The following ADGRB3 variants were observed in gnomAD, a reference collection of about 807,000 sequenced individuals.
The protein encoded by ADGRB3 is adhesion G protein-coupled receptor B3.
In ADGRB3, 37 loss-of-function variants were observed where a neutral mutation model predicts 193.4. The ratio of observed to expected loss-of-function variants is 0.19; its 90% confidence interval spans 0.15 to 0.25. ADGRB3 has a LOEUF of 0.25. Among genes scored for constraint, ADGRB3 ranks in the 10% least tolerant of loss-of-function variants. The pLI, the probability that ADGRB3 is intolerant of heterozygous loss-of-function variation, is 1.00. For synonymous variants in ADGRB3, 690 were observed against 644.2 expected, an observed-to-expected ratio of 1.07 and a Z score of -1.08; for missense variants, 1,637 against 1,852.9, an observed-to-expected ratio of 0.88 and a Z score of 2.14.
In ADGRB3 at chr6:68,869,074, C is replaced by G. The variant is rs143594735; in HGVS notation, c.758-61485C>G. ...CCAATGAAATTAATGAGTTTAACCT[C>G]AAAGATTTTATCCTTCTCAGCAGTC... On this transcript the variant is annotated intron_variant, in intron 3 of 31. Coordinates refer to ENST00000370598, the MANE Select transcript of ADGRB3 (RefSeq NM_001704.3). Among the ~76,000 whole-genome samples, 250 of 152,168 alleles carry G rather than the reference C, an allele frequency of 1.6e-3. 3 individuals are homozygous for G. The highest frequency in any genetic ancestry group is 5.8e-3 in the African/African-American group (241 of 41,508).
At chr6:69,100,022 G>A (rs138744781) in intron 17 of ADGRB3, among the ~76,000 whole-genome samples, 1 of 152,288 alleles carries the variant, frequency 6.6e-6, no homozygotes, top group African/African-American at 2.4e-5. Flanking sequence ...TATTTTGCAA[G>A]TGTTAACAGG....
Position 69,171,777 on chromosome 6 carries a change from A to G in ADGRB3, c.2481-61513A>G, listed in dbSNP as rs191035214. Reference sequence around the variant, plus strand: ...AGAGTCAAAAAAAAAGCCCTTTATTACTCCAATAAACTACAGAATCTAACT... The same window carrying G: ...AGAGTCAAAAAAAAAGCCCTTTATTGCTCCAATAAACTACAGAATCTAACT... On this transcript the variant is annotated intron_variant, in intron 17 of 31. Coordinates refer to ENST00000370598, the MANE Select transcript of ADGRB3 (RefSeq NM_001704.3). Among the ~76,000 whole-genome samples, 138 of 152,206 alleles carry G rather than the reference A, an allele frequency of 9.1e-4. 1 individual carries two copies. The highest frequency in any genetic ancestry group is 3.2e-3 in the African/African-American group (133 of 41,510).
rs142649721 is a variant in ADGRB3, at chr6:68,697,041, G to GCT, written c.757+57621_757+57622dup. 3.3e-5 allele frequency among the ~76,000 whole-genome samples: 5 copies of GCT among 151,624 alleles called. No individual in the cohort carries two copies. The South Asian group carries it at 1.0e-3, about 32-fold the overall frequency. ...GAACCACAAAGAATTCTAAGAAGATGCTCTCTCTCTCTCAGGAACTGTGTG... is the reference window on the plus strand; with the variant it reads ...GAACCACAAAGAATTCTAAGAAGATGCTCTCTCTCTCTCTCAGGAACTGTGTG... On this transcript the variant is annotated intron_variant, in intron 3 of 31. Coordinates refer to ENST00000370598, the MANE Select transcript of ADGRB3 (RefSeq NM_001704.3).
At chr6:68,794,454 T>C (rs944134983) in intron 3 of ADGRB3, among the ~76,000 whole-genome samples, 2 of 152,168 alleles carry the variant, frequency 1.3e-5, no homozygotes, top group African/African-American at 4.8e-5. Context: ...TCTTCTGCGA[T>C]CTGAGATGAA....
chr6:69,324,848 CTT>C, intron 20 of ADGRB3, 22 bp from the exon 21 acceptor site: 1 of 1,611,944 alleles, frequency 6.2e-7, no homozygotes, highest in Non-Finnish European at 8.5e-7. Flanking sequence ...CAGTGTGAGT[CTT>C]TTTGTTTGTT....
chr6:68,835,532 C>T (rs1393999820), intron 3 of ADGRB3, among the ~76,000 whole-genome samples: 2 of 152,092 alleles, frequency 1.3e-5, no homozygotes, highest in Non-Finnish European at 2.9e-5. Context: ...ACACCCCAAA[C>T]TCACATAAAC....
At chr6:69,012,574 A>G (rs1218347328) in intron 11 of ADGRB3, among the ~76,000 whole-genome samples, 1 of 152,094 alleles carries the variant, frequency 6.6e-6, no homozygotes. Flanking sequence ...TAGTACAAAA[A>G]GGCTGAAAGA....
At chr6:69,036,396 C>G (rs949097612) in intron 13 of ADGRB3, among the ~76,000 whole-genome samples, 2 of 152,050 alleles carry the variant, frequency 1.3e-5, no homozygotes, top group Admixed American at 1.3e-4. Context: ...ACAAATTGAT[C>G]ATATTAAACT....
chr6:68,934,281 C>G (rs946972265), intron 4 of ADGRB3, among the ~76,000 whole-genome samples: 2 of 152,020 alleles, frequency 1.3e-5, no homozygotes, highest in Non-Finnish European at 2.9e-5. Context: ...GTGACAAGAC[C>G]AATTCTGAGC....
chr6:68,942,266 A>G (rs1229965724), intron 5 of ADGRB3, among the ~76,000 whole-genome samples: 1 of 152,162 alleles, frequency 6.6e-6, no homozygotes, highest in Non-Finnish European at 1.5e-5. Flanking sequence ...GATGTATTAT[A>G]TTTACTTGCG....
intron 11 of ADGRB3, among the ~76,000 whole-genome samples, chr6:68,997,488 C>CAAAAAAAAAAAAA (rs748557247): frequency 1.9e-5 from 1 of 52,162 alleles, no homozygotes; most frequent in Non-Finnish European, 3.9e-5. Flanking sequence ...ACTAAAAATA[C>CAAAAAAAAAAAAA]AAAAAAAAAA....
chr6:69,238,750 A>G (rs1766325778), intron 19 of ADGRB3, among the ~76,000 whole-genome samples: 1 of 151,982 alleles, frequency 6.6e-6, no homozygotes. Flanking sequence ...ATACATACAC[A>G]CATACACACA....
intron 20 of ADGRB3, among the ~76,000 whole-genome samples, chr6:69,314,222 C>G (rs1208767282): frequency 6.6e-6 from 1 of 151,636 alleles, no homozygotes; most frequent in African/African-American, 2.4e-5. Context: ...ATGTTTTCCA[C>G]TAGATGACAT....
intron 3 of ADGRB3, among the ~76,000 whole-genome samples, chr6:68,886,700 T>C (rs4706061): frequency 0.79 from 119,827 of 151,980 alleles, 47,811 homozygotes; most frequent in Middle Eastern, 0.85. Flanking sequence ...CATCCTTAAC[T>C]GTAACATTCA....
Position 69,103,700 on chromosome 6 carries a change from A to G in ADGRB3, c.2480+27662A>G, listed in dbSNP as rs535389204. 7.6e-4 allele frequency among the ~76,000 whole-genome samples: 115 copies of G among 151,814 alleles called. 1 individual carries two copies. Among genetic ancestry groups the G allele is most frequent in the African/African-American group, 2.6e-3 (107 of 41,504 alleles). On this transcript the variant is annotated intron_variant, in intron 17 of 31. Coordinates refer to ENST00000370598, the MANE Select transcript of ADGRB3 (RefSeq NM_001704.3). ...CAAGGGCAATTGGATGACTCCTCTTACATATACACTCAGGAAAGCTCTCAG... is the reference window on the plus strand; with the variant it reads ...CAAGGGCAATTGGATGACTCCTCTTGCATATACACTCAGGAAAGCTCTCAG...
intron 3 of ADGRB3, among the ~76,000 whole-genome samples, chr6:68,676,995 T>G (rs1324976745): frequency 2.6e-5 from 4 of 152,212 alleles, no homozygotes; most frequent in African/African-American, 9.6e-5. Flanking sequence ...AGAATATTGT[T>G]TATTCAATTG....
At chr6:69,311,167 C>T (rs1768182880) in intron 20 of ADGRB3, among the ~76,000 whole-genome samples, 1 of 151,724 alleles carries the variant, frequency 6.6e-6, no homozygotes, top group African/African-American at 2.4e-5. Flanking sequence ...ATTTGCTTCT[C>T]GCAATAGCAT....
At chr6:69,182,983 A>G (rs1344255370) in intron 17 of ADGRB3, among the ~76,000 whole-genome samples, 1 of 152,122 alleles carries the variant, frequency 6.6e-6, no homozygotes, top group African/African-American at 2.4e-5. Context: ...ATAAAATTGA[A>G]TAACTACTTT....
rs1769326986 is a variant in ADGRB3, at chr6:69,355,859, A to C, written c.3594A>C (p.Ser1198=). The part of the protein sequence containing the change: ...FEKDVDIACR[S]VLHKDIGPCR... ...AGGATGTAGACATTGCCTGTCGATC[A>C]GGTAAGAATATTTAGATTTTGAAAT... Residue 1198 remains serine, a splice_region_variant and synonymous_variant, in exon 28 of 32, where the codon TCA becomes TCC. Transcript: ENST00000370598. 1 of 1,602,346 alleles carries C rather than the reference A, an allele frequency of 6.2e-7. No individual in the cohort carries two copies. The highest frequency in any genetic ancestry group is 1.3e-5 in the African/African-American group (1 of 74,708).
Sources: allele counts gnomAD v4.1 joint callset (sites outside exome capture counted in the v4.1 genomes callset), GRCh38; gene constraint gnomAD v4.1.1; transcripts MANE v1.5; gene names NCBI Gene and HGNC (gene_info 2026-07-23, HGNC 2026-07-21).